Variants in TMC2 observed in about 807,000 individuals in gnomAD.
TMC2 encodes transmembrane channel like 2, also known as transmembrane channel-like protein 2.
In TMC2, 102 loss-of-function variants were observed where a neutral mutation model predicts 105.9. The observed-to-expected ratio is 0.96, with a 90% CI of 0.82 to 1.14. The LOEUF (loss-of-function observed/expected upper bound fraction) is 1.14, where lower values mean the gene tolerates loss of function less well. Ranked by LOEUF, TMC2 falls within the 50% of genes most tolerant of loss-of-function variation. The probability of loss-of-function intolerance (pLI) is 0.00; values close to 1 mark genes in which losing one functional copy is unlikely to be tolerated. For synonymous variants in TMC2, 402 were observed against 422.8 expected (o/e 0.95, Z 0.60); for missense variants, 1,093 against 1,134.3 (o/e 0.96, Z 0.52).
At chr20:2,583,498 T>C (rs942819343) in intron 7 of TMC2, among the ~76,000 whole-genome samples, 3 of 151,130 alleles carry the variant, frequency 2.0e-5, no homozygotes, top group African/African-American at 7.3e-5. Flanking sequence ...AGTCTTGCTC[T>C]GTCACCCAGG....
intron 16 of TMC2, among the ~76,000 whole-genome samples, chr20:2,620,085 G>GA (rs1291433207): frequency 6.6e-6 from 1 of 151,634 alleles, no homozygotes. Context: ...CTTCAAAAAA[G>GA]AAAAAAAGAA....
intron 3 of TMC2, among the ~76,000 whole-genome samples, chr20:2,561,415 G>T: frequency 6.6e-6 from 1 of 152,146 alleles, no homozygotes. Context: ...AGTGACCTTT[G>T]AAGACAGTAT....
At chr20:2,564,220 G>A (rs541089801) in intron 4 of TMC2, among the ~76,000 whole-genome samples, 28 of 132,886 alleles carry the variant, frequency 2.1e-4, no homozygotes, top group African/African-American at 7.6e-4. Context: ...GCACAATCTC[G>A]GCTCACTGCA....
chr20:2,590,180 T>A (rs1388452482), intron 7 of TMC2, among the ~76,000 whole-genome samples: 1 of 152,194 alleles, frequency 6.6e-6, no homozygotes, highest in Non-Finnish European at 1.5e-5. Context: ...TATGCATGAT[T>A]CCATTTTACA....
intron 4 of TMC2, among the ~76,000 whole-genome samples, chr20:2,570,193 G>T (rs542523693): frequency 6.6e-6 from 1 of 152,254 alleles, no homozygotes; most frequent in East Asian, 1.9e-4. Flanking sequence ...AGTAGGAAAA[G>T]AAGTCAAAGT....
chr20:2,631,796 ATAT>A (rs1480510644), intron 17 of TMC2, among the ~76,000 whole-genome samples: 1 of 151,368 alleles, frequency 6.6e-6, no homozygotes, highest in African/African-American at 2.4e-5. Context: ...GTGTAAATTA[ATAT>A]TTTTTCATCA....
intron 17 of TMC2, among the ~76,000 whole-genome samples, chr20:2,631,486 G>A (rs1294482451): frequency 2.0e-5 from 3 of 152,174 alleles, no homozygotes; most frequent in Admixed American, 1.3e-4. Context: ...TTTTATCTGG[G>A]AATGACTTAA....
At chr20:2,582,176 G>A (rs983468222) in intron 7 of TMC2, among the ~76,000 whole-genome samples, 3 of 152,226 alleles carry the variant, frequency 2.0e-5, no homozygotes, top group African/African-American at 7.2e-5. Context: ...GACAAGTCTT[G>A]ATGACAGGTT....
At chr20:2,537,390 C>T (rs572548634) in intron 2 of TMC2, 74 bp downstream of exon 2, 2 of 1,229,548 alleles carry the variant, frequency 1.6e-6, no homozygotes, top group South Asian at 2.6e-5. Context: ...ACAGTCCAGC[C>T]ACCCATCCAA....
chr20:2,597,137 T>A lies in TMC2; in HGVS notation c.1077-14T>A, dbSNP rs1482571913. On this transcript the variant is annotated splice_polypyrimidine_tract_variant and intron_variant, in intron 9 of 19. Transcript: ENST00000358864. ...AAGAGGGCAGACGTCACAACAGTGC[T>A]GTGTGCCCTACAGGATGGCCAGCAA... The A allele has an allele frequency of 4.3e-6, 7 of 1,613,256 alleles. No homozygotes were observed. The highest frequency in any genetic ancestry group is 5.9e-6 in the Non-Finnish European group (7 of 1,179,574).
At chr20:2,622,694 A>G (rs1010975709) in intron 16 of TMC2, among the ~76,000 whole-genome samples, 1 of 150,528 alleles carries the variant, frequency 6.6e-6, no homozygotes, top group Non-Finnish European at 1.5e-5. Context: ...AAAAAAAGAA[A>G]GAAAGAAAAG....
intron 4 of TMC2, 73 bp from the exon 5 acceptor site, chr20:2,572,106 G>A: frequency 1.7e-6 from 2 of 1,143,828 alleles, no homozygotes; most frequent in Non-Finnish European, 2.6e-6. Flanking sequence ...ACATGTGTTT[G>A]AGGCTTCATA....
intron 2 of TMC2, among the ~76,000 whole-genome samples, chr20:2,541,720 C>T (rs1357088701): frequency 1.3e-5 from 2 of 151,682 alleles, no homozygotes. Flanking sequence ...TTACATGTTG[C>T]CAAACTGCAT....
At chr20:2,590,746 C>T (rs1408062298) in intron 7 of TMC2, among the ~76,000 whole-genome samples, 3 of 151,880 alleles carry the variant, frequency 2.0e-5, no homozygotes, top group African/African-American at 4.8e-5. Context: ...TGATTGTAAA[C>T]CCCCCAAAAA....
chr20:2,633,835 T>C (rs1275431008), intron 17 of TMC2, among the ~76,000 whole-genome samples: 1 of 152,200 alleles, frequency 6.6e-6, no homozygotes, highest in Non-Finnish European at 1.5e-5. Flanking sequence ...CTGTTTTCCT[T>C]GAAAAGGTAC....
chr20:2,576,905 T>G (rs1367033601), intron 5 of TMC2, among the ~76,000 whole-genome samples: 4 of 106,936 alleles, frequency 3.7e-5, no homozygotes, highest in Admixed American at 1.0e-4. Context: ...TCTTGGTTTT[T>G]TTTTTTTGTT....
At position 2,628,884 on chromosome 20, in the gene TMC2, C is replaced by T. The variant is rs377669654; in HGVS notation, c.2306+4488C>T. Among the ~76,000 whole-genome samples the T allele has an allele frequency of 3.8e-3, 582 of 152,222 alleles. 5 individuals are homozygous for T. The highest frequency in any genetic ancestry group is 0.013 in the African/African-American group (551 of 41,536). On this transcript the variant is annotated intron_variant, in intron 17 of 19. Transcript: ENST00000358864. Reference sequence around the variant, plus strand: ...TTGGGAGGCCGAGGCGGGCAGATCACGAGGTCAGGAGATCGAGACCATCCT... The same window carrying T: ...TTGGGAGGCCGAGGCGGGCAGATCATGAGGTCAGGAGATCGAGACCATCCT...
At chr20:2,600,516 A>G (rs1177853982) in intron 10 of TMC2, among the ~76,000 whole-genome samples, 1 of 152,138 alleles carries the variant, frequency 6.6e-6, no homozygotes, top group Non-Finnish European at 1.5e-5. Context: ...TGCCTCTACT[A>G]AAGATACAAA....
chr20:2,586,156 C>T (rs2086230114), intron 7 of TMC2, among the ~76,000 whole-genome samples: 1 of 152,202 alleles, frequency 6.6e-6, no homozygotes, highest in Admixed American at 6.5e-5. Context: ...CAAACTCTCA[C>T]TCTAAATCAG....
Sources: allele counts gnomAD v4.1 joint callset (sites outside exome capture counted in the v4.1 genomes callset), GRCh38; gene constraint gnomAD v4.1.1; transcripts MANE v1.5; gene names NCBI Gene and HGNC (gene_info 2026-07-23, HGNC 2026-07-21).